The following TOLLIP variants were observed in gnomAD, a reference collection of about 807,000 sequenced individuals.
TOLLIP encodes toll-interacting protein.
TOLLIP carries 16 observed loss-of-function variants against 33.5 expected under a neutral mutation model. The observed-to-expected ratio is 0.48, with a 90% CI of 0.32 to 0.72. TOLLIP has a LOEUF of 0.72. Ranked by LOEUF, TOLLIP falls within the 30% of genes least tolerant of loss-of-function variation. The pLI is 0.03. For synonymous variants in TOLLIP, 176 were observed against 163.7 expected (o/e 1.07, Z -0.57); for missense variants, 325 against 396.6 (o/e 0.82, Z 1.53).
rs2133876045 is a variant in TOLLIP at position 1,278,298 on chromosome 11, C to T, written c.611-1045G>A. ...GCAGCTGCAGCAGTGCAAGGGTTCA[C>T]TGCTCACCCGTTCATTCACCTTTAA... On this transcript the variant is annotated intron_variant, in intron 5 of 5. Coordinates refer to ENST00000317204, the MANE Select transcript of TOLLIP (RefSeq NM_019009.4). This position sits in a 1 kb window ranked among gnomAD's most constrained non-coding sequence, Gnocchi z 4.7. Among the ~76,000 whole-genome samples the T allele has an allele frequency of 6.6e-6, 1 of 152,290 alleles. No homozygotes were observed. The highest frequency in any genetic ancestry group is 2.1e-4 in the South Asian group (1 of 4,826).
intron 1 of TOLLIP, among the ~76,000 whole-genome samples, chr11:1,306,498 C>A (rs576514565): frequency 6.6e-6 from 1 of 152,094 alleles, no homozygotes; most frequent in East Asian, 1.9e-4. Context: ...GCTGAGCGAG[C>A]GCCCTGCTTA....
At chr11:1,291,461 G>A in intron 2 of TOLLIP, among the ~76,000 whole-genome samples, 1 of 131,496 alleles carries the variant, frequency 7.6e-6, no homozygotes. Flanking sequence ...GACCCCCTCT[G>A]AGGGAACGGC....
intron 4 of TOLLIP, among the ~76,000 whole-genome samples, chr11:1,287,089 G>A (rs1204353652): frequency 2.3e-4 from 34 of 150,798 alleles, no homozygotes; most frequent in East Asian, 2.0e-4. Context: ...CACCGCTGCC[G>A]TCTCTGAGTT....
intron 1 of TOLLIP, among the ~76,000 whole-genome samples, chr11:1,299,830 G>C (rs4963060): frequency 1.3e-5 from 2 of 152,052 alleles, no homozygotes; most frequent in Admixed American, 6.5e-5. Flanking sequence ...AAAACGCCCC[G>C]TCCACCAGCC....
At chr11:1,293,948 G>T (rs1219245276) in intron 2 of TOLLIP, among the ~76,000 whole-genome samples, 1 of 152,262 alleles carries the variant, frequency 6.6e-6, no homozygotes, top group African/African-American at 2.4e-5. Context: ...CCGCGAGGAA[G>T]GGGTGACGGT....
intron 1 of TOLLIP, among the ~76,000 whole-genome samples, chr11:1,304,158 C>T (rs5743891): frequency 0.067 from 10,152 of 152,054 alleles, 392 homozygotes; most frequent in Admixed American, 0.11. Context: ...CATCCACTCC[C>T]GGGCTGCTCA....
At position 1,303,179 on chromosome 11, in the gene TOLLIP, C is replaced by T. The variant is rs1365016697; in HGVS notation, c.33+6287G>A. Among the ~76,000 whole-genome samples, 1 of 152,188 alleles carries T rather than the reference C, an allele frequency of 6.6e-6. No individual in the cohort carries two copies. Among genetic ancestry groups the T allele is most frequent in the Non-Finnish European group, 1.5e-5 (1 of 68,046 alleles). The stretch of plus-strand genomic sequence containing the variant: ...TAGATTATAAAAGCTGACTACAGAA[C>T]AAGCGACTTTAAATGGGGTCTCTGC... On this transcript the variant is annotated intron_variant, in intron 1 of 5. Coordinates refer to ENST00000317204, the MANE Select transcript of TOLLIP (RefSeq NM_019009.4). The surrounding 1 kb of genome is among the most constrained non-coding windows in gnomAD (Gnocchi z 4.2).
intron 1 of TOLLIP, among the ~76,000 whole-genome samples, chr11:1,298,847 A>G (rs1864186941): frequency 6.6e-6 from 1 of 152,178 alleles, no homozygotes; most frequent in South Asian, 2.1e-4. Flanking sequence ...CCACACCCCA[A>G]TTAAGAGACA....
chr11:1,297,646 G>T (rs1254841857), intron 1 of TOLLIP, among the ~76,000 whole-genome samples: 1 of 152,270 alleles, frequency 6.6e-6, no homozygotes, highest in African/African-American at 2.4e-5. Context: ...AAGCCGTACT[G>T]CGAGAACAAG....
chr11:1,304,623 G>A (rs1415938858), intron 1 of TOLLIP, among the ~76,000 whole-genome samples: 4 of 152,180 alleles, frequency 2.6e-5, no homozygotes, highest in South Asian at 2.1e-4. Context: ...TTCTTTAGCC[G>A]GGCAGCCTCC....
At chr11:1,294,290 GC>G (rs1401241985) in intron 2 of TOLLIP, among the ~76,000 whole-genome samples, 3 of 78,860 alleles carry the variant, frequency 3.8e-5, no homozygotes, top group South Asian at 1.3e-3. Flanking sequence ...TTCTACGAAA[GC>G]CCGCGTGGCT....
intron 1 of TOLLIP, among the ~76,000 whole-genome samples, chr11:1,301,699 A>G (rs1864282988): frequency 6.6e-6 from 1 of 152,138 alleles, no homozygotes; most frequent in Non-Finnish European, 1.5e-5. Flanking sequence ...CAGAAGCCCA[A>G]CTAGTGAAAC....
chr11:1,301,291 G>A (rs140442022), intron 1 of TOLLIP, among the ~76,000 whole-genome samples: 1 of 152,312 alleles, frequency 6.6e-6, no homozygotes, highest in African/African-American at 2.4e-5. Context: ...GGCTAAATAC[G>A]TTCTGTGGAA....
intron 1 of TOLLIP, among the ~76,000 whole-genome samples, chr11:1,299,487 T>C (rs1290091675): frequency 1.3e-5 from 2 of 152,236 alleles, no homozygotes; most frequent in Non-Finnish European, 2.9e-5. Context: ...AAATGTCTAT[T>C]TTGAATTTAT....
At chr11:1,301,458 C>T (rs5743906) in intron 1 of TOLLIP, among the ~76,000 whole-genome samples, 157 of 150,560 alleles carry the variant, frequency 1.0e-3, no homozygotes, top group African/African-American at 3.6e-3. Flanking sequence ...CGCGGGCTTC[C>T]GAGAACTCCG....
intron 5 of TOLLIP, 24 bp downstream of exon 5, chr11:1,285,978 C>G: frequency 6.4e-7 from 1 of 1,567,110 alleles, no homozygotes. Context: ...AGGGGAGAGG[C>G]ACCCAGGGAG....
chr11:1,292,404 CT>C (rs781396054), intron 2 of TOLLIP, among the ~76,000 whole-genome samples: 38 of 152,238 alleles, frequency 2.5e-4, no homozygotes, highest in Non-Finnish European at 4.4e-4. Flanking sequence ...GCACATGGGA[CT>C]CCCCTGCCAG....
Position 1,290,086 on chromosome 11 carries a change from T to C in TOLLIP, c.366+141A>G, listed in dbSNP as rs1863884792. ...ACATTCCTTGGGGAGAGCAGGACCCTGTCATGCACCCAATGAAACACCAGG... is the reference window on the plus strand; with the variant it reads ...ACATTCCTTGGGGAGAGCAGGACCCCGTCATGCACCCAATGAAACACCAGG... On this transcript the variant is annotated intron_variant, in intron 3 of 5. Transcript: ENST00000317204. The surrounding 1 kb of genome is among the most constrained non-coding windows in gnomAD (Gnocchi z 4.9). The C allele has an allele frequency of 1.4e-6, 1 of 729,864 alleles. No homozygotes were observed. Among genetic ancestry groups the C allele is most frequent in the Non-Finnish European group, 2.3e-6 (1 of 441,150 alleles). The allele number at this position is 729,864 out of a possible 1,614,324, so 45.2% of individuals were successfully genotyped here. A position where few individuals can be genotyped will look rare whatever the true frequency, so the allele number is the denominator to read the frequency against.
intron 1 of TOLLIP, among the ~76,000 whole-genome samples, chr11:1,302,323 A>G (rs1864305334): frequency 6.6e-6 from 1 of 151,998 alleles, no homozygotes; most frequent in African/African-American, 2.4e-5. Flanking sequence ...CAGCTGACTG[A>G]CCCCTCAGTG....
Sources: gnomAD v4.1 joint callset for allele counts (sites outside exome capture counted in the v4.1 genomes callset) on GRCh38, gnomAD v4.1.1 for gene constraint, Gnocchi (gnomAD v3.1) non-coding constraint, MANE v1.5 for transcripts, NCBI Gene and HGNC (gene_info 2026-07-23, HGNC 2026-07-21) for gene names.